The following ZNF688 variants were observed in gnomAD, a reference collection of about 807,000 sequenced individuals.
ZNF688 encodes the protein zinc finger protein 688.
ZNF688 carries 10 observed loss-of-function variants against 13.2 expected under a neutral mutation model. The observed-to-expected ratio is 0.76, with a 90% CI of 0.47 to 1.28. ZNF688 has a LOEUF of 1.28. ZNF688 is among the 50% of genes most tolerant of loss of function. The pLI is 0.00. For synonymous variants in ZNF688, 160 were observed against 159.4 expected (o/e 1.00, Z -0.03); for missense variants, 381 against 391.4 (o/e 0.97, Z 0.22).
At chr16:30,572,033 T>C, upstream of ZNF688, 1 of 1,414,962 alleles carries the variant, frequency 7.1e-7, no homozygotes, top group Non-Finnish European at 9.3e-7. Context: ...TTCGGCTGCT[T>C]TTTCTAGTGG....
chr16:30,572,571 A>T (rs935222211), upstream of ZNF688: 14 of 319,680 alleles, frequency 4.4e-5, no homozygotes, highest in African/African-American at 3.0e-4. Context: ...AATTGTTGCT[A>T]ACATACATGA....
chr16:30,577,787 A>G, the ZNF688 span, among the ~76,000 whole-genome samples: 1 of 151,722 alleles, frequency 6.6e-6, no homozygotes, highest in African/African-American at 2.4e-5. Flanking sequence ...AGTTCAAGCA[A>G]TTCTCGTGCC....
At chr16:30,577,933 G>A in the ZNF688 span, among the ~76,000 whole-genome samples, 16 of 152,056 alleles carry the variant, frequency 1.1e-4, no homozygotes, top group Admixed American at 4.6e-4. Context: ...GCCTCCCAAA[G>A]TGCTGGGATT....
intron 2 of ZNF688, 101 bp downstream of exon 2, chr16:30,570,905 CAGTT>C: frequency 8.2e-7 from 1 of 1,213,108 alleles, no homozygotes. Context: ...GTACCCAACA[CAGTT>C]GAATTTCTTT....
At chr16:30,573,023 C>T (rs1214600618), upstream of ZNF688, among the ~76,000 whole-genome samples, 1 of 152,218 alleles carries the variant, frequency 6.6e-6, no homozygotes, top group Non-Finnish European at 1.5e-5. Context: ...TCTCCTGCCT[C>T]AGCCTCCCAA....
At chr16:30,571,287 G>C (rs1162728605) in intron 1 of ZNF688, 147 bp downstream of exon 1, 1 of 1,538,044 alleles carries the variant, frequency 6.5e-7, no homozygotes, top group South Asian at 1.2e-5. Flanking sequence ...ACTCCCGAGG[G>C]GGTACCTGAA....
Position 30,569,779 on chromosome 16 carries a change from G to T in ZNF688, c.*137C>A. 1.0e-6 allele frequency: 1 copy of T among 972,976 alleles called. No individual in the cohort carries two copies. The highest frequency in any genetic ancestry group is 1.3e-6 in the Non-Finnish European group (1 of 747,210). The allele number at this position is 972,976 out of a possible 1,614,324, so 60.3% of individuals were successfully genotyped here. On this transcript the variant is annotated 3_prime_UTR_variant, in exon 3 of 3. Transcript: ENST00000223459. ...TTTACAGGCACTTTTCTTTTTACAA[G>T]TTGGAAACTTGAGGGATCCTTGAGG... is the stretch of plus-strand genomic sequence containing the variant.
At position 30,571,079 on chromosome 16, in the gene ZNF688, C is replaced by G. The variant is rs984275639; in HGVS notation, c.241G>C (p.Glu81Gln). 6.2e-7 allele frequency: 1 copy of G among 1,603,514 alleles called. No individual in the cohort carries two copies. Among genetic ancestry groups the G allele is most frequent in the African/African-American group, 1.3e-5 (1 of 74,074 alleles). Residue 81 changes from glutamate to glutamine, a missense_variant, in exon 2 of 3, where the codon GAG (glutamate) becomes CAG (glutamine). Transcript: ENST00000223459. ...GCGGCGGGGCTCCAAGCCTCACTCT[C>G]CTGTTCCATCCAAGAGATGAGGGCT... Reference protein sequence around the residue: ...KPALISWMEQESEAWSPAAQD... With the variant: ...KPALISWMEQQSEAWSPAAQD...
At chr16:30,576,008 T>G (rs149887579), upstream of ZNF688, among the ~76,000 whole-genome samples, 655 of 152,312 alleles carry the variant, frequency 4.3e-3, 13 homozygotes, top group African/African-American at 0.015. Flanking sequence ...TTTTGTCTTC[T>G]TAATAACAGC....
Position 30,570,178 on chromosome 16 carries a change from C to A in ZNF688, c.569G>T (p.Arg190Leu). Residue 190 changes from arginine to leucine, a missense_variant, in exon 3 of 3, where the codon CGC becomes CTC. Transcript: ENST00000223459. Reference sequence around the variant, plus strand: ...CAGCAGTGAGGGGTAGGTGAAGCGGCGGCCGCAGTCCGTGCACACGTGGCG... The same window carrying A: ...CAGCAGTGAGGGGTAGGTGAAGCGGAGGCCGCAGTCCGTGCACACGTGGCG... ...QRRHVCTDCG[R>L]RFTYPSLLVS... 1 of 1,610,214 alleles carries A rather than the reference C, an allele frequency of 6.2e-7. No individual in the cohort carries two copies. The highest frequency in any genetic ancestry group is 8.5e-7 in the Non-Finnish European group (1 of 1,178,192).
In ZNF688 at chr16:30,570,411, C is replaced by G; in HGVS notation, c.336G>C (p.Glu112Asp). The change falls in exon 3 of 3, where the codon GAG (glutamate) becomes GAC (aspartate). Residue 112 changes from glutamate to aspartate, a missense_variant. Physicochemically the swap from Glu to Asp is conservative, Grantham distance 45 (BLOSUM62 2). Transcript: ENST00000223459. ...RRGDVPNRKE[E>D]EPEEVPRAKG... is the part of the protein sequence containing the mutation. ...TGGCTCTTGGGACTTCCTCCGGTTC[C>G]TCTTCCTTCCTGTTTGGGACATCTC... is the stretch of plus-strand genomic sequence containing the variant. 6.2e-7 allele frequency: 1 copy of G among 1,612,762 alleles called. No homozygotes were observed. Among genetic ancestry groups the G allele is most frequent in the Non-Finnish European group, 8.5e-7 (1 of 1,179,710 alleles).
At chr16:30,570,838 G>C (rs2051665048) in intron 2 of ZNF688, 172 bp downstream of exon 2, 3 of 761,492 alleles carry the variant, frequency 3.9e-6, no homozygotes, top group Admixed American at 4.1e-5. Context: ...GTCCTCACAG[G>C]ACCGCTGTCC....
chr16:30,571,223 A>G, intron 1 of ZNF688, 100 bp from the exon 2 acceptor site: 2 of 1,532,616 alleles, frequency 1.3e-6, no homozygotes, highest in Non-Finnish European at 1.8e-6. Context: ...CTTATACTCA[A>G]CCTGGAAGGG....
At chr16:30,576,049 T>C (rs1389023887), upstream of ZNF688, among the ~76,000 whole-genome samples, 1 of 152,110 alleles carries the variant, frequency 6.6e-6, no homozygotes, top group Non-Finnish European at 1.5e-5. Context: ...AATATCTCAT[T>C]GTGTGCTTTT....
upstream of ZNF688, chr16:30,571,755 G>T: frequency 7.5e-7 from 1 of 1,336,048 alleles, no homozygotes. Context: ...GAACGCAGCC[G>T]AGGCAACCGA....
chr16:30,573,281 T>C (rs1333434924), upstream of ZNF688, among the ~76,000 whole-genome samples: 1 of 152,288 alleles, frequency 6.6e-6, no homozygotes, highest in East Asian at 1.9e-4. Context: ...ATTTTTTTTT[T>C]CCTGGGAAAC....
chr16:30,569,921 C>T lies in ZNF688; in HGVS notation c.826G>A (p.Gly276Ser). 6.5e-7 allele frequency: 1 copy of T among 1,542,066 alleles called. No individual in the cohort carries two copies. Among genetic ancestry groups the T allele is most frequent in the East Asian group, 2.3e-5 (1 of 44,120 alleles). ...RHYPDIFEEC[G>S] ...ACTCCAGCCTGCGGTGCCGCTCAGC[C>T]GCACTCCTCGAAGATGTCTGGGTAG... is the stretch of plus-strand genomic sequence containing the variant. Residue 276 changes from glycine to serine, a missense_variant, in exon 3 of 3, where the codon GGC (glycine) becomes AGC (serine). Physicochemically the swap from Gly to Ser is moderately conservative, Grantham distance 56. Coordinates refer to ENST00000223459, the MANE Select transcript of ZNF688 (RefSeq NM_145271.4).
intron 2 of ZNF688, 191 bp from the exon 3 acceptor site, chr16:30,570,627 A>C (rs1168076596): frequency 1.6e-6 from 1 of 634,224 alleles, no homozygotes; most frequent in Non-Finnish European, 2.6e-6. Context: ...TATGCATCAA[A>C]TGGGAATAAT....
At chr16:30,571,848 G>A (rs182051756), upstream of ZNF688, 16 of 1,287,214 alleles carry the variant, frequency 1.2e-5, no homozygotes, top group East Asian at 9.3e-5. Flanking sequence ...CTTCATGGCC[G>A]CTTGGACATA....
Sources: gnomAD v4.1 joint callset for allele counts (sites outside exome capture counted in the v4.1 genomes callset) on GRCh38, gnomAD v4.1.1 for gene constraint, MANE v1.5 for transcripts, NCBI Gene and HGNC (gene_info 2026-07-23, HGNC 2026-07-21) for gene names.